GNG4: variants seen among roughly 807,000 people sequenced by gnomAD.
The protein encoded by GNG4 is guanine nucleotide-binding protein G(I)/G(S)/G(O) subunit gamma-4.
Under a neutral mutation model 5.8 loss-of-function variants are expected in GNG4, and 4 were observed. The observed-to-expected ratio is 0.69, with a 90% confidence interval of 0.34 to 1.57. GNG4 has a LOEUF of 1.57. GNG4 is among the 40% of genes most tolerant of loss of function. The pLI is 0.06. For missense variants in GNG4, 96 were observed against 95.1 expected (o/e 1.01, Z -0.04); for synonymous variants, 29 against 32.9 (o/e 0.88, Z 0.41).
chr1:235,646,646 A>G (rs1379477622), intron 1 of GNG4, among the ~76,000 whole-genome samples: 1 of 152,128 alleles, frequency 6.6e-6, no homozygotes, highest in Non-Finnish European at 1.5e-5. Context: ...ACTCCTGGGC[A>G]CCCAGGGCTC....
At chr1:235,563,125 G>A (rs1352331927) in intron 3 of GNG4, among the ~76,000 whole-genome samples, 1 of 151,868 alleles carries the variant, frequency 6.6e-6, no homozygotes, top group Non-Finnish European at 1.5e-5. Flanking sequence ...TTGTACTCCA[G>A]TAATTAAGAA....
chr1:235,629,942 C>T (rs7551331), intron 1 of GNG4, among the ~76,000 whole-genome samples: 6 of 152,192 alleles, frequency 3.9e-5, no homozygotes, highest in Non-Finnish European at 5.9e-5. Flanking sequence ...CCTGAGCACT[C>T]CCCTTCATTT....
intron 2 of GNG4, 102 bp from the exon 3 acceptor site, chr1:235,583,950 A>G (rs1217758411): frequency 1.6e-6 from 1 of 613,590 alleles, no homozygotes. Context: ...GCCAGGGAGC[A>G]TCTGGGAGCA....
intron 1 of GNG4, among the ~76,000 whole-genome samples, chr1:235,633,337 A>C (rs781142123): frequency 2.6e-5 from 4 of 152,160 alleles, no homozygotes; most frequent in Non-Finnish European, 5.9e-5. Context: ...ACAGATGACA[A>C]GATCTGCCCT....
chr1:235,575,799 G>A (rs542547858), intron 3 of GNG4, among the ~76,000 whole-genome samples: 1 of 152,312 alleles, frequency 6.6e-6, no homozygotes, highest in African/African-American at 2.4e-5. Flanking sequence ...TGTGGGGCAG[G>A]AGAATCAGGG....
intron 3 of GNG4, among the ~76,000 whole-genome samples, chr1:235,556,478 A>C (rs1401957471): frequency 5.4e-5 from 8 of 149,326 alleles, no homozygotes; most frequent in Non-Finnish European, 1.2e-4. Context: ...GAATTGCTTG[A>C]ACCAGGGAGT....
chr1:235,563,619 G>C (rs945652333), intron 3 of GNG4, among the ~76,000 whole-genome samples: 2 of 152,090 alleles, frequency 1.3e-5, no homozygotes, highest in African/African-American at 4.8e-5. Flanking sequence ...ATGAGTCCTC[G>C]TGTGGGGAAA....
At chr1:235,640,100 G>A (rs1300859927) in intron 1 of GNG4, among the ~76,000 whole-genome samples, 2 of 152,114 alleles carry the variant, frequency 1.3e-5, no homozygotes, top group African/African-American at 4.8e-5. Context: ...CCACAGAGAA[G>A]GCTGTCTCTC....
intron 1 of GNG4, among the ~76,000 whole-genome samples, chr1:235,611,247 A>G (rs946874328): frequency 3.3e-5 from 5 of 151,422 alleles, no homozygotes; most frequent in African/African-American, 7.3e-5. Context: ...GGCTCACTGC[A>G]GCCTCAACTT....
chr1:235,641,268 T>A (rs1215047796), intron 1 of GNG4, among the ~76,000 whole-genome samples: 2 of 152,104 alleles, frequency 1.3e-5, no homozygotes, highest in Non-Finnish European at 2.9e-5. Context: ...TGGGCAACTG[T>A]AGCCCCAGCT....
chr1:235,604,384 T>C (rs945357398), intron 1 of GNG4, among the ~76,000 whole-genome samples: 3 of 152,236 alleles, frequency 2.0e-5, no homozygotes, highest in African/African-American at 7.2e-5. Flanking sequence ...GGGAACAAAT[T>C]ACTACAAACC....
At chr1:235,572,482 G>A (rs1469941885) in intron 3 of GNG4, among the ~76,000 whole-genome samples, 2 of 149,184 alleles carry the variant, frequency 1.3e-5, no homozygotes, top group African/African-American at 5.0e-5. Flanking sequence ...TTACAGGCAT[G>A]AGCCACCGTG....
At chr1:235,571,367 T>C (rs1402675914) in intron 3 of GNG4, among the ~76,000 whole-genome samples, 2 of 152,202 alleles carry the variant, frequency 1.3e-5, no homozygotes, top group Non-Finnish European at 2.9e-5. Context: ...TGAATCTTCA[T>C]AGACCTCAGT....
chr1:235,587,682 T>G (rs1484931644), intron 2 of GNG4, among the ~76,000 whole-genome samples: 6 of 26,670 alleles, frequency 2.2e-4, no homozygotes, highest in Non-Finnish European at 4.4e-4. Flanking sequence ...GTGGGGTATG[T>G]GTGCGAGTGT....
chr1:235,548,388 G>C lies in GNG4; in HGVS notation c.*3721C>G, dbSNP rs7524848. On this transcript the variant is annotated 3_prime_UTR_variant, in exon 4 of 4. Transcript: ENST00000391854. The stretch of plus-strand genomic sequence containing the variant: ...GGAGCAGAAATGACATTCCCAGGAC[G>C]CTGCCATCCCTGGACATTGCTACCA... 0.73 allele frequency: 110,743 copies of C among 152,044 alleles called. 41,183 individuals carry two copies. The highest frequency in any genetic ancestry group is 0.86 in the East Asian group (4,467 of 5,168). The allele number at this position is 152,044 out of a possible 1,614,324, so 9.4% of individuals were successfully genotyped here.
chr1:235,606,189 C>T (rs1406859824), intron 1 of GNG4, among the ~76,000 whole-genome samples: 1 of 151,850 alleles, frequency 6.6e-6, no homozygotes, highest in Non-Finnish European at 1.5e-5. Context: ...ACCAGCCTGG[C>T]CTGAACATAG....
At chr1:235,584,841 C>T (rs1426865709) in intron 2 of GNG4, among the ~76,000 whole-genome samples, 3 of 152,226 alleles carry the variant, frequency 2.0e-5, no homozygotes, top group African/African-American at 7.2e-5. Flanking sequence ...TGGCCACCAT[C>T]TATTATTCGT....
chr1:235,576,062 T>A (rs1403484371), intron 3 of GNG4, among the ~76,000 whole-genome samples: 1 of 14,038 alleles, frequency 7.1e-5, no homozygotes, highest in Non-Finnish European at 1.0e-4. Context: ...TATATGTACT[T>A]TTTTTTTTTT....
At chr1:235,599,621 T>G (rs1469541932) in intron 1 of GNG4, among the ~76,000 whole-genome samples, 1 of 152,128 alleles carries the variant, frequency 6.6e-6, no homozygotes, top group Non-Finnish European at 1.5e-5. Flanking sequence ...CAGCCGAATC[T>G]GCGTTTTAAC....
Sources: allele counts gnomAD v4.1 joint callset (sites outside exome capture counted in the v4.1 genomes callset), GRCh38; gene constraint gnomAD v4.1.1; transcripts MANE v1.5; gene names NCBI Gene and HGNC (gene_info 2026-07-23, HGNC 2026-07-21).